The following NLGN1 variants were observed in gnomAD, a reference collection of about 807,000 sequenced individuals.
NLGN1 encodes the protein neuroligin 1.
A neutral mutation model predicts 65.5 loss-of-function variants in NLGN1; 12 were observed. That is an observed-to-expected ratio of 0.18 (90% CI 0.12 to 0.30). The LOEUF (loss-of-function observed/expected upper bound fraction) is 0.30. Ranked by LOEUF, NLGN1 falls within the 10% of genes least tolerant of loss-of-function variation. NLGN1 has a pLI of 1.00. For synonymous variants in NLGN1, 350 were observed against 359.5 expected (o/e 0.97, Z 0.30); for missense variants, 750 against 1,007.1 (o/e 0.74, Z 3.46).
chr3:173,829,297 A>G (rs1477255951), intron 4 of NLGN1, among the ~76,000 whole-genome samples: 4 of 152,146 alleles, frequency 2.6e-5, no homozygotes, highest in African/African-American at 4.8e-5. Context: ...GGAGTTATCT[A>G]TTTGATAATT....
rs544127016 is a variant in NLGN1, at chr3:174,076,661, C to A, written c.647-198654C>A. On this transcript the variant is annotated intron_variant, in intron 4 of 6. Transcript: ENST00000457714. ...AGCTGCTAGAGAGTGCTAATAGTTC[C>A]TTTCTCCTCTGGGACCATAGAGAGA... Among the ~76,000 whole-genome samples, 13 of 144,466 alleles carry A rather than the reference C, an allele frequency of 9.0e-5. No individual in the cohort carries two copies. The South Asian group carries it at 2.6e-3, about 29-fold the overall frequency. The allele number at this position is 144,466 out of a possible 152,430, so 94.8% of individuals were successfully genotyped here.
At chr3:174,125,641 A>T (rs1158670936) in intron 4 of NLGN1, among the ~76,000 whole-genome samples, 1 of 152,164 alleles carries the variant, frequency 6.6e-6, no homozygotes, top group Non-Finnish European at 1.5e-5. Context: ...TCAAAGTCTG[A>T]AATATTGCCT....
chr3:173,784,198 A>G (rs1375773450), intron 3 of NLGN1, among the ~76,000 whole-genome samples: 1 of 152,206 alleles, frequency 6.6e-6, no homozygotes, highest in South Asian at 2.1e-4. Flanking sequence ...TAAGCCTTAG[A>G]GACTTTTAGA....
chr3:173,727,467 A>G (rs958612072), intron 3 of NLGN1, among the ~76,000 whole-genome samples: 1 of 152,174 alleles, frequency 6.6e-6, no homozygotes, highest in African/African-American at 2.4e-5. Context: ...CTGACGTGCT[A>G]GAGTTGTATG....
chr3:173,959,071 G>A (rs1266687227), intron 4 of NLGN1, among the ~76,000 whole-genome samples: 4 of 152,200 alleles, frequency 2.6e-5, no homozygotes, highest in East Asian at 1.9e-4. Flanking sequence ...CCAGGCCCTC[G>A]AGAGTGCAGA....
chr3:173,618,716 T>C (rs543879453), intron 3 of NLGN1, among the ~76,000 whole-genome samples: 2 of 151,992 alleles, frequency 1.3e-5, no homozygotes, highest in Non-Finnish European at 2.9e-5. Context: ...ATAAATAGAG[T>C]GGCCAGTGGC....
intron 2 of NLGN1, among the ~76,000 whole-genome samples, chr3:173,501,439 C>G (rs967297111): frequency 1.3e-5 from 2 of 152,076 alleles, no homozygotes; most frequent in Non-Finnish European, 2.9e-5. Flanking sequence ...AAGAACCTAG[C>G]AAATTTTGAT....
chr3:173,471,126 A>T (rs1353895905), intron 2 of NLGN1, among the ~76,000 whole-genome samples: 1 of 152,178 alleles, frequency 6.6e-6, no homozygotes, highest in African/African-American at 2.4e-5. Flanking sequence ...CAAATTTATT[A>T]AAGGAAGACA....
intron 3 of NLGN1, among the ~76,000 whole-genome samples, chr3:173,691,737 T>C (rs993034940): frequency 3.3e-5 from 5 of 152,110 alleles, no homozygotes; most frequent in African/African-American, 1.2e-4. Flanking sequence ...GGATTCTATA[T>C]GATACTGACT....
intron 4 of NLGN1, among the ~76,000 whole-genome samples, chr3:173,977,055 C>A (rs753671747): frequency 4.6e-5 from 7 of 151,634 alleles, no homozygotes; most frequent in African/African-American, 1.7e-4. Flanking sequence ...AGTCAAAGTA[C>A]TTCTTTTATA....
chr3:174,211,075 G>T (rs540847356), intron 4 of NLGN1, among the ~76,000 whole-genome samples: 1 of 152,132 alleles, frequency 6.6e-6, no homozygotes, highest in Non-Finnish European at 1.5e-5. Context: ...TGGTGGGTTC[G>T]TGGTCTCGCT....
chr3:174,183,691 T>G (rs1185490520), intron 4 of NLGN1, among the ~76,000 whole-genome samples: 1 of 152,048 alleles, frequency 6.6e-6, no homozygotes, highest in Non-Finnish European at 1.5e-5. Flanking sequence ...AACACACATG[T>G]GCACACATAC....
At chr3:173,666,281 A>ACATCTTCTACATGTATATACATGT (rs1761682912) in intron 3 of NLGN1, among the ~76,000 whole-genome samples, 1 of 152,130 alleles carries the variant, frequency 6.6e-6, no homozygotes, top group African/African-American at 2.4e-5. Context: ...AGATAAATAT[A>ACATCTTCTACATGTATATACATGT]AGCCTAAGTA....
intron 4 of NLGN1, among the ~76,000 whole-genome samples, chr3:174,003,436 C>A (rs970818999): frequency 6.6e-6 from 1 of 152,000 alleles, no homozygotes; most frequent in African/African-American, 2.4e-5. Flanking sequence ...CGCTAAAATA[C>A]GTAGGTGTAT....
At chr3:173,849,063 GCTCA>G (rs1250242240) in intron 4 of NLGN1, among the ~76,000 whole-genome samples, 1 of 151,978 alleles carries the variant, frequency 6.6e-6, no homozygotes, top group Non-Finnish European at 1.5e-5. Flanking sequence ...TTTATGTACA[GCTCA>G]TTGTCAATTT....
intron 1 of NLGN1, among the ~76,000 whole-genome samples, chr3:173,418,971 AT>A (rs35210359): frequency 1.6e-3 from 119 of 72,188 alleles, no homozygotes; most frequent in Admixed American, 3.6e-3. Flanking sequence ...AAATATGATG[AT>A]TTTTTTTTTT....
intron 3 of NLGN1, among the ~76,000 whole-genome samples, chr3:173,652,532 G>A (rs531826207): frequency 5.3e-5 from 8 of 152,096 alleles, no homozygotes; most frequent in South Asian, 4.2e-4. Flanking sequence ...CCTGGTGTAC[G>A]TTTTTGTCAA....
At chr3:173,815,266 C>T (rs1344174784) in intron 4 of NLGN1, among the ~76,000 whole-genome samples, 2 of 151,936 alleles carry the variant, frequency 1.3e-5, no homozygotes, top group African/African-American at 2.4e-5. Context: ...TGCCACCACA[C>T]CCGGCTAATT....
chr3:173,512,310 A>G (rs780941197), intron 2 of NLGN1, among the ~76,000 whole-genome samples: 3 of 152,216 alleles, frequency 2.0e-5, no homozygotes, highest in Non-Finnish European at 4.4e-5. Flanking sequence ...TTGAGGTCAC[A>G]TGGACGAATT....
Sources: allele counts gnomAD v4.1 joint callset (sites outside exome capture counted in the v4.1 genomes callset), GRCh38; gene constraint gnomAD v4.1.1; transcripts MANE v1.5; gene names NCBI Gene and HGNC (gene_info 2026-07-23, HGNC 2026-07-21).